The following FIP1L1 variants were observed in gnomAD, a reference collection of about 807,000 sequenced individuals.
FIP1L1 encodes pre-mRNA 3'-end-processing factor FIP1.
FIP1L1 carries 21 observed loss-of-function variants against 84.6 expected under a neutral mutation model. The observed-to-expected ratio is 0.25, with a 90% CI of 0.18 to 0.36. FIP1L1 has a LOEUF of 0.36. Among genes scored for constraint, FIP1L1 ranks in the 10% least tolerant of loss-of-function variants. FIP1L1 has a pLI of 1.00. For missense variants in FIP1L1, 526 were observed against 751.1 expected (o/e 0.70, Z 3.50); for synonymous variants, 263 against 242.3 (o/e 1.09, Z -0.80).
At chr4:53,391,344 G>C in intron 8 of FIP1L1, 86 bp from the exon 9 acceptor site, 1 of 1,232,418 alleles carries the variant, frequency 8.1e-7, no homozygotes, top group Non-Finnish European at 1.2e-6. Flanking sequence ...TCAAATCACA[G>C]ACTAGCCACA....
intron 13 of FIP1L1, among the ~76,000 whole-genome samples, chr4:53,432,097 C>A (rs942952746): frequency 6.6e-6 from 1 of 151,924 alleles, no homozygotes; most frequent in Non-Finnish European, 1.5e-5. Context: ...CTAACAGTAG[C>A]TTGAAAACAA....
At chr4:53,443,257 T>C (rs1310636757) in intron 14 of FIP1L1, among the ~76,000 whole-genome samples, 1 of 152,086 alleles carries the variant, frequency 6.6e-6, no homozygotes, top group Non-Finnish European at 1.5e-5. Context: ...AGTATGGTGT[T>C]TAACAACATA....
At chr4:53,426,040 GA>G (rs1404382682) in intron 12 of FIP1L1, 75 bp downstream of exon 12, 3 of 1,002,964 alleles carry the variant, frequency 3.0e-6, no homozygotes, top group Non-Finnish European at 4.5e-6. Flanking sequence ...TTATTCAATA[GA>G]TAGTCATAGT....
chr4:53,382,519 G>T (rs1738640984), intron 4 of FIP1L1, among the ~76,000 whole-genome samples, 184 bp downstream of exon 4: 1 of 152,324 alleles, frequency 6.6e-6, no homozygotes, highest in African/African-American at 2.4e-5. Context: ...ATGAGGAAAA[G>T]AAATAGTAGA....
chr4:53,393,376 G>T (rs768086496), intron 9 of FIP1L1, among the ~76,000 whole-genome samples: 2 of 152,164 alleles, frequency 1.3e-5, no homozygotes, highest in Non-Finnish European at 2.9e-5. Flanking sequence ...CAGCCCATCA[G>T]CCTCTTTAAG....
At chr4:53,451,191 G>A (rs941760526) in intron 15 of FIP1L1, among the ~76,000 whole-genome samples, 1 of 151,006 alleles carries the variant, frequency 6.6e-6, no homozygotes, top group Non-Finnish European at 1.5e-5. Flanking sequence ...GACTGTTCTC[G>A]AACTCCTGAC....
rs771016690 is a variant in FIP1L1, at chr4:53,399,679, T to C, written c.706-51T>C. ...TTATTTTAACATCTAAAGTCCATTA[T>C]GTTTGAGTGTTCTGTTAAATTCAAC... On this transcript the variant is annotated intron_variant, in intron 9 of 17. Transcript: ENST00000337488. 3 of 1,153,026 alleles carry C rather than the reference T, an allele frequency of 2.6e-6. No homozygotes were observed. The South Asian group carries it at 3.8e-5, about 15-fold the overall frequency. 71.4% of individuals were successfully genotyped at this position (1,153,026 alleles called of 1,614,324 possible).
At chr4:53,405,195 A>G (rs951900972) in intron 10 of FIP1L1, among the ~76,000 whole-genome samples, 1 of 152,156 alleles carries the variant, frequency 6.6e-6, no homozygotes, top group African/African-American at 2.4e-5. Flanking sequence ...ATAAGGTGTA[A>G]GGAAGGGATC....
chr4:53,397,324 C>T (rs1460087886), intron 9 of FIP1L1, among the ~76,000 whole-genome samples: 5 of 152,254 alleles, frequency 3.3e-5, no homozygotes, highest in Admixed American at 3.3e-4. Flanking sequence ...CTGGTAGACT[C>T]AGTAAAATTG....
intron 5 of FIP1L1, among the ~76,000 whole-genome samples, chr4:53,385,429 A>G (rs1740426085): frequency 6.6e-6 from 1 of 152,092 alleles, no homozygotes; most frequent in South Asian, 2.1e-4. Context: ...ATGCATTGTA[A>G]TTATGTTTAT....
intron 11 of FIP1L1, among the ~76,000 whole-genome samples, chr4:53,425,646 A>G (rs943171110): frequency 1.3e-5 from 2 of 152,112 alleles, no homozygotes; most frequent in Non-Finnish European, 2.9e-5. Flanking sequence ...ACTTAACATT[A>G]TGATCATTGT....
chr4:53,377,679 T>G lies in FIP1L1; in HGVS notation c.-160T>G. 1 of 632,544 alleles carries G rather than the reference T, an allele frequency of 1.6e-6. No homozygotes were observed. Among genetic ancestry groups the G allele is most frequent in the Non-Finnish European group, 2.6e-6 (1 of 386,568 alleles). 39.2% of individuals were successfully genotyped at this position (632,544 alleles called of 1,614,324 possible). On this transcript the variant is annotated 5_prime_UTR_variant, in exon 1 of 18. Coordinates refer to ENST00000337488, the MANE Select transcript of FIP1L1 (RefSeq NM_030917.4). ...CGGACCTGCGCTGGAGGCTTCATCT[T>G]TGCCGCCGCTGCCGTCGCCTTCCTG...
intron 9 of FIP1L1, among the ~76,000 whole-genome samples, chr4:53,395,513 C>T (rs527756979): frequency 6.6e-6 from 1 of 152,012 alleles, no homozygotes; most frequent in East Asian, 1.9e-4. Context: ...AGACATGGAG[C>T]CTATAGTCTA....
intron 15 of FIP1L1, among the ~76,000 whole-genome samples, chr4:53,444,939 G>A (rs1773563000): frequency 1.3e-5 from 2 of 152,104 alleles, no homozygotes; most frequent in South Asian, 4.1e-4. Context: ...ATAGGCTTAT[G>A]GGGAGATAGC....
At chr4:53,446,355 C>T (rs1260556852) in intron 15 of FIP1L1, among the ~76,000 whole-genome samples, 1 of 152,094 alleles carries the variant, frequency 6.6e-6, no homozygotes, top group Non-Finnish European at 1.5e-5. Context: ...ATTGAAGCAC[C>T]TTAGTCCTGC....
In FIP1L1 at chr4:53,427,333, T is replaced by G. The variant is rs541589469; in HGVS notation, c.1018-694T>G. Among the ~76,000 whole-genome samples the G allele has an allele frequency of 4.6e-5, 7 of 152,290 alleles. No individual in the cohort carries two copies. The South Asian group carries it at 1.4e-3, about 32-fold the overall frequency. On this transcript the variant is annotated intron_variant, in intron 12 of 17. Coordinates refer to ENST00000337488, the MANE Select transcript of FIP1L1 (RefSeq NM_030917.4). ...TTGGGGAGCTTATCAAAAATCCAGATTTTGAGGTGCCACTTTGCTTGTTTT... is the reference window on the plus strand; with the variant it reads ...TTGGGGAGCTTATCAAAAATCCAGAGTTTGAGGTGCCACTTTGCTTGTTTT...
At chr4:53,413,546 C>T (rs559464138) in intron 10 of FIP1L1, among the ~76,000 whole-genome samples, 4 of 152,060 alleles carry the variant, frequency 2.6e-5, no homozygotes, top group South Asian at 2.1e-4. Context: ...ACAATGAGAA[C>T]GTGGCTCCCA....
intron 11 of FIP1L1, among the ~76,000 whole-genome samples, chr4:53,422,149 T>C (rs777011764): frequency 6.6e-6 from 1 of 152,174 alleles, no homozygotes; most frequent in Non-Finnish European, 1.5e-5. Context: ...AAACATGAGA[T>C]TGCAATCCAT....
intron 17 of FIP1L1, 141 bp from the exon 18 acceptor site, chr4:53,459,161 C>T (rs569756039): frequency 4.5e-6 from 3 of 668,218 alleles, no homozygotes; most frequent in Admixed American, 3.1e-5. Flanking sequence ...CTGATTATTC[C>T]TCACATTATA....
Sources: gnomAD v4.1 joint callset for allele counts (sites outside exome capture counted in the v4.1 genomes callset) on GRCh38, gnomAD v4.1.1 for gene constraint, MANE v1.5 for transcripts, NCBI Gene and HGNC (gene_info 2026-07-23, HGNC 2026-07-21) for gene names.